Variants in SLC3A1 observed in about 807,000 individuals in gnomAD.
SLC3A1 encodes amino acid transporter heavy chain SLC3A1.
Under a neutral mutation model 60.3 loss-of-function variants are expected in SLC3A1, and 78 were observed. The ratio of observed to expected loss-of-function variants is 1.29; its 90% CI spans 1.08 to 1.56. The LOEUF is 1.56. Among genes scored for constraint, SLC3A1 ranks in the 40% most tolerant of loss-of-function variants. The probability of loss-of-function intolerance (pLI) is 0.00; values close to 1 mark genes in which losing one functional copy is unlikely to be tolerated. For missense variants in SLC3A1, 1,172 were observed against 858.9 expected, an observed-to-expected ratio of 1.36 and a Z score of -4.56; for synonymous variants, 392 against 307.9, an observed-to-expected ratio of 1.27 and a Z score of -2.86.
At chr2:44,289,890 C>T (rs1232883389) in intron 4 of SLC3A1, among the ~76,000 whole-genome samples, 1 of 152,196 alleles carries the variant, frequency 6.6e-6, no homozygotes, top group East Asian at 1.9e-4. Flanking sequence ...CTCGGCCTCC[C>T]AAAGTGCAGG....
Position 44,286,098 on chromosome 2 carries a change from T to C in SLC3A1, c.832T>C (p.Phe278Leu). ...EVRNQCYFHQ[F>L]MKEQPDLNFR... ...GCGAAACCAATGTTATTTTCATCAG[T>C]TTATGAAAGAGCAACCTGATTTAAA... The change falls in exon 4 of 10, where the codon TTT (phenylalanine) becomes CTT (leucine). Residue 278 changes from phenylalanine (F) to leucine (L), a missense_variant. Physicochemically the swap from Phe to Leu is conservative, Grantham distance 22. Coordinates refer to ENST00000260649, the MANE Select transcript of SLC3A1 (RefSeq NM_000341.4). The C allele has an allele frequency of 6.2e-7, 1 of 1,613,744 alleles. No individual in the cohort carries two copies. The highest frequency in any genetic ancestry group is 8.5e-7 in the Non-Finnish European group (1 of 1,179,628).
chr2:44,303,885 C>T, intron 6 of SLC3A1: 1 of 592,018 alleles, frequency 1.7e-6, no homozygotes, highest in East Asian at 2.8e-5. Flanking sequence ...CCAGCTTCAT[C>T]CATGTCCCTG....
At chr2:44,285,314 A>G (rs906210780) in intron 3 of SLC3A1, 1 of 165,950 alleles carries the variant, frequency 6.0e-6, no homozygotes, top group Admixed American at 5.8e-5. Context: ...CAGTTGTTAA[A>G]TGTTTTCCAG....
At chr2:44,303,303 G>A (rs553778778) in intron 6 of SLC3A1, among the ~76,000 whole-genome samples, 1 of 147,634 alleles carries the variant, frequency 6.8e-6, no homozygotes, top group East Asian at 2.0e-4. Context: ...GAGTGTGGTG[G>A]CATGATCTCA....
At chr2:44,310,894 G>A (rs1672279923) in intron 7 of SLC3A1, among the ~76,000 whole-genome samples, 1 of 151,792 alleles carries the variant, frequency 6.6e-6, no homozygotes, top group African/African-American at 2.4e-5. Context: ...GATGTCCTGT[G>A]CTCAATTTTC....
intron 7 of SLC3A1, among the ~76,000 whole-genome samples, chr2:44,307,844 G>C (rs1178987596): frequency 6.6e-6 from 1 of 152,134 alleles, no homozygotes; most frequent in East Asian, 1.9e-4. Context: ...ATGAAGTCCA[G>C]TTGTTTTGTT....
rs777564297 is a variant in SLC3A1, at chr2:44,320,443, G to T, written c.1862G>T (p.Arg621Met). 1 of 1,614,102 alleles carries T rather than the reference G, an allele frequency of 6.2e-7. No homozygotes were observed. The highest frequency in any genetic ancestry group is 1.7e-5 in the Admixed American group (1 of 60,008). Residue 621 changes from arginine (R) to methionine (M), a missense_variant, in exon 10 of 10, where the codon AGG becomes ATG. Arg to Met is a moderately conservative substitution (Grantham distance 91). Coordinates refer to ENST00000260649, the MANE Select transcript of SLC3A1 (RefSeq NM_000341.4). ...GGCCTTCCCGCTAAAATGAGAATAA[G>T]GTTAAGTACCAATTCTGCCGACAAA... ...ISGLPAKMRI[R>M]LSTNSADKGS...
chr2:44,291,099 C>T (rs1348272808), intron 4 of SLC3A1, among the ~76,000 whole-genome samples: 2 of 152,202 alleles, frequency 1.3e-5, no homozygotes, highest in African/African-American at 4.8e-5. Flanking sequence ...GAAATCCAGA[C>T]ACTCGGACTT....
In SLC3A1 at chr2:44,281,406, T is replaced by G. The variant is rs1452414512; in HGVS notation, c.630T>G (p.Asp210Glu). ...IHDKGLKLIIDFIPNHTSDKH... is the reference protein window; with the variant it reads ...IHDKGLKLIIEFIPNHTSDKH... Reference sequence around the variant, plus strand: ...CATTAGGTTTAAAATTAATCATCGATTTCATACCAAACCACACGAGTGATA... The same window carrying G: ...CATTAGGTTTAAAATTAATCATCGAGTTCATACCAAACCACACGAGTGATA... Residue 210 changes from aspartate to glutamate, a missense_variant, in exon 3 of 10, where the codon GAT becomes GAG. Coordinates refer to ENST00000260649, the MANE Select transcript of SLC3A1 (RefSeq NM_000341.4). 1.9e-6 allele frequency: 3 copies of G among 1,613,202 alleles called. No individual in the cohort carries two copies. The highest frequency in any genetic ancestry group is 2.5e-6 in the Non-Finnish European group (3 of 1,179,284).
At position 44,300,212 on chromosome 2, in the gene SLC3A1, CTGATT is replaced by C. The variant is rs368823556; in HGVS notation, c.1011+124_1011+128del. On this transcript the variant is annotated intron_variant, in intron 5 of 9. Transcript: ENST00000260649. Reference sequence around the variant, plus strand: ...TTTTGTCCTGTGTCTAGCAAGTACCCTGATTTATTTCTTTAGGAAATGTGCAAGAG... The same window carrying C: ...TTTTGTCCTGTGTCTAGCAAGTACCCTATTTCTTTAGGAAATGTGCAAGAG... 7.2e-5 allele frequency: 70 copies of C among 974,942 alleles called. No homozygotes were observed. In the South Asian group the frequency reaches 9.1e-4, roughly 13 times the overall value. The allele number at this position is 974,942 out of a possible 1,614,324, so 60.4% of individuals were successfully genotyped here. A position where few individuals can be genotyped will look rare whatever the true frequency, so the allele number is the denominator to read the frequency against.
In SLC3A1 at chr2:44,312,613, A is replaced by T; in HGVS notation, c.1360A>T (p.Thr454Ser). The change falls in exon 8 of 10, where the codon ACT (threonine) becomes TCT (serine). Residue 454 changes from threonine (T) to serine (S), a missense_variant. Coordinates refer to ENST00000260649, the MANE Select transcript of SLC3A1 (RefSeq NM_000341.4). ...MIGGPDSSRL[T>S]SRLGNQYVNV... ...TGGTGGACCAGACAGTTCACGGCTG[A>T]CTTCGCGTTTGGGGAATCAGTATGT... 6.2e-7 allele frequency: 1 copy of T among 1,613,972 alleles called. No homozygotes were observed. Among genetic ancestry groups the T allele is most frequent in the Non-Finnish European group, 8.5e-7 (1 of 1,179,880 alleles).
In SLC3A1 at chr2:44,286,198, G is replaced by T. The variant is rs761201875; in HGVS notation, c.891+41G>T. ...CACACAGACTTCTCCATTAATGGAG[G>T]TTTAGGTATTTATTTAAAACACTTT... is the stretch of plus-strand genomic sequence containing the variant. On this transcript the variant is annotated intron_variant, in intron 4 of 9. Coordinates refer to ENST00000260649, the MANE Select transcript of SLC3A1 (RefSeq NM_000341.4). 3.2e-6 allele frequency: 5 copies of T among 1,581,590 alleles called. No homozygotes were observed. The African/African-American group carries it at 4.0e-5, about 13-fold the overall frequency.
At chr2:44,314,277 C>T (rs996511432) in intron 9 of SLC3A1, 5 of 565,740 alleles carry the variant, frequency 8.8e-6, no homozygotes, top group Non-Finnish European at 1.6e-5. Context: ...CCTCTCTTCC[C>T]CTCAAAAGGC....
At chr2:44,311,708 T>C (rs1672301535) in intron 7 of SLC3A1, among the ~76,000 whole-genome samples, 1 of 135,596 alleles carries the variant, frequency 7.4e-6, no homozygotes, top group East Asian at 2.0e-4. Flanking sequence ...ATCATTTTCA[T>C]ACAGCTAAGG....
downstream of SLC3A1, chr2:44,321,766 T>C (rs760819868): frequency 3.1e-6 from 5 of 1,613,260 alleles, no homozygotes; most frequent in East Asian, 2.2e-5. Flanking sequence ...CCACTGAAAA[T>C]GTGAAAACAA....
Position 44,320,930 on chromosome 2 carries a change from G to A in SLC3A1, c.*291G>A. 2.3e-6 allele frequency: 1 copy of A among 430,216 alleles called. No homozygotes were observed. Among genetic ancestry groups the A allele is most frequent in the South Asian group, 2.6e-5 (1 of 38,214 alleles). 26.6% of individuals were successfully genotyped at this position (430,216 alleles called of 1,614,324 possible). On this transcript the variant is annotated 3_prime_UTR_variant, in exon 10 of 10. Coordinates refer to ENST00000260649, the MANE Select transcript of SLC3A1 (RefSeq NM_000341.4). ...TCAAAAACTTTAACGAATTTTAAGG[G>A]GAAGAATTTTATCTTTTCCCTTAAA... is the stretch of plus-strand genomic sequence containing the variant.
rs17579820 is a variant in SLC3A1, at chr2:44,299,392, T to C, written c.892-579T>C. ...TCAAGACAACACTAGTATCTGAGTT[T>C]TACCACAGGATCGTCACTATTCTTA... On this transcript the variant is annotated intron_variant, in intron 4 of 9. Transcript: ENST00000260649. Among the ~76,000 whole-genome samples the C allele has an allele frequency of 0.035, 5,339 of 152,324 alleles. 441 individuals are homozygous for C. The East Asian group carries it at 0.35, about 10-fold the overall frequency.
chr2:44,322,137 A>G (rs532176019), downstream of SLC3A1, among the ~76,000 whole-genome samples: 5 of 152,312 alleles, frequency 3.3e-5, no homozygotes, highest in East Asian at 9.7e-4. Flanking sequence ...TGCCACACGG[A>G]CAAGGTTGAA....
At chr2:44,301,268 AC>A in intron 6 of SLC3A1, 141 bp downstream of exon 6, 1 of 1,089,902 alleles carries the variant, frequency 9.2e-7, no homozygotes, top group Non-Finnish European at 1.4e-6. Flanking sequence ...GTTTGGTTGT[AC>A]CAGGGCCTGC....
Sources: gnomAD v4.1 joint callset for allele counts (sites outside exome capture counted in the v4.1 genomes callset) on GRCh38, gnomAD v4.1.1 for gene constraint, MANE v1.5 for transcripts, NCBI Gene and HGNC (gene_info 2026-07-23, HGNC 2026-07-21) for gene names.